AKAP7: variants seen among roughly 807,000 people sequenced by gnomAD.
The protein encoded by AKAP7 is A kinase (PRKA) anchor protein 7.
AKAP7 carries 39 observed loss-of-function variants against 39.5 expected under a neutral mutation model. The ratio of observed to expected loss-of-function variants is 0.99; its 90% CI spans 0.76 to 1.29. The LOEUF (loss-of-function observed/expected upper bound fraction) is 1.29. AKAP7 is among the 50% of genes most tolerant of loss of function. The pLI is 0.00. For synonymous variants in AKAP7, 140 were observed against 139.1 expected, an observed-to-expected ratio of 1.01 and a Z score of -0.05; for missense variants, 414 against 407.7, an observed-to-expected ratio of 1.02 and a Z score of -0.13.
At chr6:131,266,718 G>A (rs1370984959) in intron 7 of AKAP7, among the ~76,000 whole-genome samples, 3 of 151,468 alleles carry the variant, frequency 2.0e-5, no homozygotes, top group Non-Finnish European at 4.4e-5. Flanking sequence ...GTTTTTTAAC[G>A]GTGTGCTCTG....
intron 7 of AKAP7, among the ~76,000 whole-genome samples, chr6:131,275,356 G>A (rs1308332713): frequency 6.6e-6 from 1 of 152,206 alleles, no homozygotes; most frequent in Non-Finnish European, 1.5e-5. Context: ...GGACAAGGTT[G>A]TGCAGATAGA....
At chr6:131,136,422 T>C (rs1800547654) in intron 1 of AKAP7, among the ~76,000 whole-genome samples, 1 of 152,222 alleles carries the variant, frequency 6.6e-6, no homozygotes, top group South Asian at 2.1e-4. Context: ...GATAAACTCA[T>C]AGAAGAGTAT....
chr6:131,189,613 A>G (rs1320298542), intron 5 of AKAP7, among the ~76,000 whole-genome samples: 10 of 152,204 alleles, frequency 6.6e-5, no homozygotes, highest in Non-Finnish European at 1.5e-4. Flanking sequence ...TTGCTGCTAC[A>G]TATTTTAAAG....
At chr6:131,132,298 G>A (rs1314684258), upstream of AKAP7, among the ~76,000 whole-genome samples, 1 of 139,746 alleles carries the variant, frequency 7.2e-6, no homozygotes, top group East Asian at 2.2e-4. Context: ...GGGCGACAGA[G>A]CGAGATTCCG....
intron 5 of AKAP7, among the ~76,000 whole-genome samples, chr6:131,196,030 C>T (rs1416947826): frequency 6.6e-6 from 1 of 152,138 alleles, no homozygotes; most frequent in African/African-American, 2.4e-5. Context: ...TTTGAATAAA[C>T]TTTCTACCCC....
At chr6:131,165,424 G>A (rs1446902723) in intron 4 of AKAP7, among the ~76,000 whole-genome samples, 3 of 151,998 alleles carry the variant, frequency 2.0e-5, no homozygotes, top group African/African-American at 7.2e-5. Context: ...TCAAGTGGTA[G>A]CCCTTGGTTA....
chr6:131,209,906 G>A (rs1426642151), intron 6 of AKAP7, among the ~76,000 whole-genome samples: 1 of 152,150 alleles, frequency 6.6e-6, no homozygotes, highest in East Asian at 1.9e-4. Context: ...TTCCAAAATG[G>A]TGTTGATGCA....
rs1022801920 is a variant in AKAP7 at position 131,246,600 on chromosome 6, G to A, written c.850+26792G>A. Among the ~76,000 whole-genome samples the A allele has an allele frequency of 9.9e-5, 15 of 152,100 alleles. 1 individual carries two copies. Among genetic ancestry groups the A allele is most frequent in the African/African-American group, 3.6e-4 (15 of 41,412 alleles). On this transcript the variant is annotated intron_variant, in intron 7 of 7. Coordinates refer to ENST00000431975, the MANE Select transcript of AKAP7 (RefSeq NM_016377.4). ...TTCCTGGAAGATGAATGTGTTCAGG[G>A]GCCATTCTGCTATTTCTGTGCTCTT...
intron 5 of AKAP7, among the ~76,000 whole-genome samples, chr6:131,195,230 G>C (rs1304174682): frequency 6.6e-6 from 1 of 151,732 alleles, no homozygotes; most frequent in Non-Finnish European, 1.5e-5. Flanking sequence ...GTTACCCTGA[G>C]GATTGCAAAT....
intron 5 of AKAP7, among the ~76,000 whole-genome samples, chr6:131,191,385 A>G (rs553690789): frequency 2.6e-4 from 40 of 152,344 alleles, no homozygotes; most frequent in African/African-American, 9.1e-4. Flanking sequence ...ATGAACTCTA[A>G]GTTGATAAGT....
At chr6:131,211,772 CAAAAAAAA>C (rs202168206) in intron 6 of AKAP7, among the ~76,000 whole-genome samples, 18 of 83,918 alleles carry the variant, frequency 2.1e-4, no homozygotes, top group Admixed American at 4.8e-4. Flanking sequence ...GACTCCGTCT[CAAAAAAAA>C]AAAAAAAAAA....
upstream of AKAP7, among the ~76,000 whole-genome samples, chr6:131,131,026 T>G (rs1322225446): frequency 6.6e-6 from 1 of 152,228 alleles, no homozygotes; most frequent in African/African-American, 2.4e-5. Context: ...CTGGAGAAGC[T>G]TGTTCAGGCG....
chr6:131,146,922 C>G (rs1801533076), intron 2 of AKAP7, among the ~76,000 whole-genome samples: 1 of 152,200 alleles, frequency 6.6e-6, no homozygotes, highest in Non-Finnish European at 1.5e-5. Context: ...TCAAGAAGCT[C>G]CCAGCTTCAT....
At chr6:131,174,362 G>A (rs1037517657) in intron 5 of AKAP7, among the ~76,000 whole-genome samples, 2 of 152,200 alleles carry the variant, frequency 1.3e-5, no homozygotes, top group African/African-American at 4.8e-5. Context: ...TATTTACATA[G>A]TGTTCAGATA....
intron 3 of AKAP7, among the ~76,000 whole-genome samples, chr6:131,162,021 A>C (rs1429362061): frequency 6.6e-6 from 1 of 152,092 alleles, no homozygotes; most frequent in Non-Finnish European, 1.5e-5. Context: ...TAGGCCGCTC[A>C]TTTTCTGCTT....
intron 6 of AKAP7, among the ~76,000 whole-genome samples, chr6:131,202,358 C>G: frequency 7.0e-6 from 1 of 143,180 alleles, no homozygotes; most frequent in Non-Finnish European, 1.5e-5. Context: ...TTGGAACCAA[C>G]CCAAATGTCC....
At chr6:131,230,916 T>C (rs1394787901) in intron 7 of AKAP7, among the ~76,000 whole-genome samples, 1 of 152,154 alleles carries the variant, frequency 6.6e-6, no homozygotes, top group Admixed American at 6.6e-5. Context: ...TTTATGAATA[T>C]AACCCACATA....
chr6:131,150,908 A>C (rs542393156), intron 2 of AKAP7, among the ~76,000 whole-genome samples: 1 of 152,200 alleles, frequency 6.6e-6, no homozygotes, highest in East Asian at 1.9e-4. Context: ...TAGTTTCACC[A>C]GGTTTTTTCT....
chr6:131,168,858 CTG>C (rs1277347742), intron 4 of AKAP7, among the ~76,000 whole-genome samples: 1 of 152,026 alleles, frequency 6.6e-6, no homozygotes, highest in African/African-American at 2.4e-5. Context: ...TTTTGGTAAA[CTG>C]TAAAATAGTG....
Sources: allele counts gnomAD v4.1 joint callset (sites outside exome capture counted in the v4.1 genomes callset), GRCh38; gene constraint gnomAD v4.1.1; transcripts MANE v1.5; gene names NCBI Gene and HGNC (gene_info 2026-07-23, HGNC 2026-07-21).